HDAC9: variants seen among roughly 807,000 people sequenced by gnomAD.
HDAC9 encodes the protein MEF-2 interacting transcription repressor (MITR) protein.
HDAC9 carries 41 observed loss-of-function variants against 139.4 expected under a neutral mutation model. The observed-to-expected ratio is 0.29, with a 90% confidence interval of 0.23 to 0.38. The LOEUF (loss-of-function observed/expected upper bound fraction) is 0.38. HDAC9 is among the 10% of genes least tolerant of loss of function. HDAC9 has a pLI of 1.00. For missense variants in HDAC9, 1,147 were observed against 1,297.0 expected (o/e 0.88, Z 1.78); for synonymous variants, 517 against 476.2 (o/e 1.09, Z -1.12).
At chr7:18,440,878 A>G (rs943965493) in intron 1 of HDAC9, among the ~76,000 whole-genome samples, 1 of 152,150 alleles carries the variant, frequency 6.6e-6, no homozygotes, top group African/African-American at 2.4e-5. Flanking sequence ...TTTTATATTT[A>G]AATACTATCT....
In HDAC9 at chr7:18,767,100, G is replaced by A; in HGVS notation, c.2165-6G>A. On this transcript the variant is annotated splice_region_variant and splice_polypyrimidine_tract_variant and intron_variant, in intron 15 of 25. Transcript: ENST00000686413. ...TCTATATTTTTTATGTCTTCTTACTGTATAGGTGATGACTCTCAAAAGTTT... is the reference window on the plus strand; with the variant it reads ...TCTATATTTTTTATGTCTTCTTACTATATAGGTGATGACTCTCAAAAGTTT... 2.0e-6 allele frequency: 3 copies of A among 1,497,532 alleles called. No individual in the cohort carries two copies. Among genetic ancestry groups the A allele is most frequent in the South Asian group, 2.5e-5 (2 of 80,480 alleles). The allele number at this position is 1,497,532 out of a possible 1,614,324, so 92.8% of individuals were successfully genotyped here. A position where few individuals can be genotyped will look rare whatever the true frequency, so the allele number is the denominator to read the frequency against.
intron 22 of HDAC9, among the ~76,000 whole-genome samples, chr7:18,894,096 G>T (rs1204668992): frequency 3.3e-5 from 5 of 152,118 alleles, no homozygotes; most frequent in African/African-American, 4.8e-5. Flanking sequence ...TCAGAAGGTG[G>T]GAATGGAGTA....
intron 1 of HDAC9, among the ~76,000 whole-genome samples, chr7:18,147,201 C>G (rs1233382438): frequency 1.3e-5 from 2 of 152,006 alleles, no homozygotes; most frequent in Non-Finnish European, 2.9e-5. Flanking sequence ...GCAAATAGAC[C>G]TCTTCATACC....
intron 1 of HDAC9, among the ~76,000 whole-genome samples, chr7:18,292,605 T>TA (rs907861892): frequency 1.6e-4 from 24 of 151,198 alleles, no homozygotes; most frequent in South Asian, 4.2e-4. Flanking sequence ...AACTGACAGG[T>TA]AAAAAAAAAG....
rs958876372 is a variant in HDAC9 at position 18,244,630 on chromosome 7, C to T, written c.25+82281C>T. Among the ~76,000 whole-genome samples, 8 of 152,184 alleles carry T rather than the reference C, an allele frequency of 5.3e-5. No individual in the cohort carries two copies. In the South Asian group the frequency reaches 1.5e-3, roughly 28 times the overall value. On this transcript the variant is annotated intron_variant, in intron 2 of 12. Transcript: ENST00000417496. ...TTGCTAACATGGTGAAACCCTATCT[C>T]TACTAAAAATACAAAAAATTATCTG... is the stretch of plus-strand genomic sequence containing the variant.
intron 2 of HDAC9, among the ~76,000 whole-genome samples, chr7:18,544,255 C>A (rs1428036636): frequency 6.6e-6 from 1 of 152,086 alleles, no homozygotes; most frequent in Admixed American, 6.6e-5. Flanking sequence ...TGATAAAGAT[C>A]TCATAGGTTT....
intron 2 of HDAC9, among the ~76,000 whole-genome samples, chr7:18,554,994 A>G (rs1179388670): frequency 2.0e-5 from 3 of 152,228 alleles, no homozygotes; most frequent in East Asian, 3.8e-4. Context: ...TGCATATTCA[A>G]TTAACTGACC....
chr7:18,282,994 A>G (rs893941977), intron 2 of HDAC9, among the ~76,000 whole-genome samples: 12 of 115,562 alleles, frequency 1.0e-4, no homozygotes, highest in African/African-American at 3.8e-4. Context: ...TCAATTTTGT[A>G]GATACTCAAC....
intron 24 of HDAC9, among the ~76,000 whole-genome samples, chr7:18,959,702 A>G (rs1737303714): frequency 6.6e-6 from 1 of 152,288 alleles, no homozygotes; most frequent in South Asian, 2.1e-4. Flanking sequence ...CGTTGGCGCT[A>G]CTGTGACAAC....
At chr7:18,549,570 G>C (rs1451320249) in intron 2 of HDAC9, among the ~76,000 whole-genome samples, 1 of 152,044 alleles carries the variant, frequency 6.6e-6, no homozygotes, top group African/African-American at 2.4e-5. Context: ...TTTACATATG[G>C]TATGCTTCAA....
chr7:18,212,086 A>G (rs1791975314), intron 2 of HDAC9, among the ~76,000 whole-genome samples: 1 of 152,188 alleles, frequency 6.6e-6, no homozygotes, highest in Non-Finnish European at 1.5e-5. Flanking sequence ...CTTCATAGCT[A>G]TCTAAATGTT....
intron 25 of HDAC9, among the ~76,000 whole-genome samples, chr7:18,992,405 A>G (rs1017626491): frequency 2.0e-5 from 3 of 152,252 alleles, no homozygotes; most frequent in African/African-American, 7.2e-5. Flanking sequence ...ACATGTGTAT[A>G]AAGTTAAAAT....
intron 2 of HDAC9, among the ~76,000 whole-genome samples, chr7:18,563,816 C>T (rs1245708983): frequency 1.3e-5 from 2 of 149,028 alleles, no homozygotes. Flanking sequence ...CATAGGTATA[C>T]ATGTACCATG....
intron 1 of HDAC9, among the ~76,000 whole-genome samples, chr7:18,138,103 G>A (rs1785575683): frequency 1.3e-5 from 2 of 152,194 alleles, no homozygotes; most frequent in Admixed American, 6.5e-5. Flanking sequence ...AGAGGTGTTT[G>A]TAGTATTCTG....
chr7:18,898,943 C>T (rs1191095863), intron 22 of HDAC9, among the ~76,000 whole-genome samples: 2 of 151,656 alleles, frequency 1.3e-5, no homozygotes, highest in Non-Finnish European at 1.5e-5. Context: ...ATTAGACATC[C>T]CCTTAAAAGA....
At chr7:18,926,429 T>C (rs1563061204) in intron 22 of HDAC9, among the ~76,000 whole-genome samples, 1 of 152,200 alleles carries the variant, frequency 6.6e-6, no homozygotes, top group Non-Finnish European at 1.5e-5. Flanking sequence ...AGTTGGCCTT[T>C]AATGATTAAA....
At chr7:18,371,517 C>A (rs773154964) in intron 1 of HDAC9, among the ~76,000 whole-genome samples, 85 of 152,094 alleles carry the variant, frequency 5.6e-4, no homozygotes, top group Non-Finnish European at 1.1e-3. Flanking sequence ...TCCATTATAT[C>A]TATTATAATA....
At chr7:18,644,570 C>A (rs1786756599) in intron 8 of HDAC9, 101 bp from the exon 9 acceptor site, 2 of 888,576 alleles carry the variant, frequency 2.3e-6, no homozygotes, top group Admixed American at 3.3e-5. Context: ...TACTTAAAAT[C>A]TTTTCTTAAT....
At chr7:18,639,319 C>A (rs1023761423) in intron 8 of HDAC9, among the ~76,000 whole-genome samples, 8 of 151,974 alleles carry the variant, frequency 5.3e-5, no homozygotes, top group Non-Finnish European at 8.8e-5. Context: ...CCCCCACCCC[C>A]AATTCAGGGA....
Sources: gnomAD v4.1 joint callset for allele counts (sites outside exome capture counted in the v4.1 genomes callset) on GRCh38, gnomAD v4.1.1 for gene constraint, MANE v1.5 for transcripts, NCBI Gene and HGNC (gene_info 2026-07-23, HGNC 2026-07-21) for gene names.